TNRC6C: variants seen among roughly 807,000 people sequenced by gnomAD.
The protein encoded by TNRC6C is trinucleotide repeat-containing gene 6C protein.
A neutral mutation model predicts 153.7 loss-of-function variants in TNRC6C; 20 were observed. The observed-to-expected ratio is 0.13, with a 90% CI of 0.09 to 0.19. TNRC6C has a LOEUF of 0.19. Ranked by LOEUF, TNRC6C falls within the 10% of genes least tolerant of loss-of-function variation. The pLI is 1.00. For synonymous variants in TNRC6C, 811 were observed against 841.4 expected (o/e 0.96, Z 0.63); for missense variants, 1,987 against 2,172.0 (o/e 0.91, Z 1.69).
At chr17:78,001,863 A>C (rs117444461), upstream of TNRC6C, among the ~76,000 whole-genome samples, 1,139 of 152,194 alleles carry the variant, frequency 7.5e-3, 3 homozygotes, top group Non-Finnish European at 0.012. Flanking sequence ...CAGGAAAGCA[A>C]ATATTGTCCT....
At chr17:78,024,543 T>G (rs1427070856) in intron 1 of TNRC6C, among the ~76,000 whole-genome samples, 1 of 151,838 alleles carries the variant, frequency 6.6e-6, no homozygotes. Context: ...ATTTTTTGTA[T>G]TTTAGTAGAG....
chr17:78,093,027 A>G, exon 15 of TNRC6C: 1 of 1,612,626 alleles, frequency 6.2e-7, no homozygotes, highest in Non-Finnish European at 8.5e-7. Context: ...ACAGTGAGTC[A>G]CCAGCCAGTC....
intron 1 of TNRC6C, among the ~76,000 whole-genome samples, chr17:77,966,622 T>C (rs1278295549): frequency 6.6e-6 from 1 of 152,220 alleles, no homozygotes; most frequent in East Asian, 1.9e-4. Context: ...TGGGGAAAGA[T>C]GACACACAAG....
intron 10 of TNRC6C, among the ~76,000 whole-genome samples, 183 bp from the exon 13 acceptor site, chr17:78,082,864 T>C (rs2073207817): frequency 6.6e-6 from 1 of 152,254 alleles, no homozygotes; most frequent in African/African-American, 2.4e-5. Flanking sequence ...CTTTACACAG[T>C]CCTGCATGCA....
At chr17:78,025,589 A>G (rs1290588988) in intron 1 of TNRC6C, among the ~76,000 whole-genome samples, 2 of 152,138 alleles carry the variant, frequency 1.3e-5, no homozygotes, top group African/African-American at 4.8e-5. Context: ...TTTTCAACTC[A>G]TTTGGGTAAA....
At position 78,064,948 on chromosome 17, in the gene TNRC6C, C is replaced by T; in HGVS notation, c.2611+11C>T. The T allele has an allele frequency of 6.3e-7, 1 of 1,598,596 alleles. No individual in the cohort carries two copies. Among genetic ancestry groups the T allele is most frequent in the Non-Finnish European group, 8.5e-7 (1 of 1,172,944 alleles). ...CCCTGTGCAAACCAGGTAAGCCTAG[C>T]ATCCTGCTTGCCCTGATCTGGCAAT... is the stretch of plus-strand genomic sequence containing the variant. On this transcript the variant is annotated intron_variant, in intron 4 of 19. Transcript: ENST00000301624.
exon 13 of TNRC6C, chr17:78,086,983 G>T: frequency 6.2e-7 from 1 of 1,613,742 alleles, no homozygotes. Context: ...CCCTCTGCAG[G>T]CAAATCGGCC....
upstream of TNRC6C, among the ~76,000 whole-genome samples, chr17:78,000,828 G>A (rs2071402559): frequency 6.6e-6 from 1 of 152,044 alleles, no homozygotes; most frequent in African/African-American, 2.4e-5. Flanking sequence ...TACAAATATA[G>A]GAAGTAGTCA....
chr17:77,965,267 AG>A (rs2144036894), intron 1 of TNRC6C, among the ~76,000 whole-genome samples: 1 of 152,338 alleles, frequency 6.6e-6, no homozygotes, highest in African/African-American at 2.4e-5. Flanking sequence ...TTATTTTAAT[AG>A]CTGCTTAATG....
exon 2 of TNRC6C, chr17:78,031,623 G>T: frequency 2.4e-6 from 3 of 1,232,442 alleles, no homozygotes; most frequent in Non-Finnish European, 3.0e-6. Context: ...ACGTGCATCT[G>T]CCAGTGGCCA....
At chr17:78,107,368 T>C (rs937654780) in exon 20 of TNRC6C, 1 of 152,214 alleles carries the variant, frequency 6.6e-6, no homozygotes, top group Non-Finnish European at 1.5e-5. Context: ...CCTCATAGAA[T>C]GTGACTGTTG....
At chr17:78,102,107 C>T (rs2073607016) in intron 17 of TNRC6C, among the ~76,000 whole-genome samples, 1 of 152,174 alleles carries the variant, frequency 6.6e-6, no homozygotes, top group African/African-American at 2.4e-5. Context: ...ACCAGAAGAA[C>T]CTGGGAGCAC....
At chr17:77,978,622 A>G (rs2071033670) in intron 1 of TNRC6C, among the ~76,000 whole-genome samples, 2 of 152,298 alleles carry the variant, frequency 1.3e-5, no homozygotes, top group Admixed American at 1.3e-4. Context: ...CTTCAGTGCT[A>G]GGACTGAAAA....
intron 16 of TNRC6C, among the ~76,000 whole-genome samples, chr17:78,095,473 G>T (rs2073468762): frequency 6.6e-6 from 1 of 152,220 alleles, no homozygotes; most frequent in Non-Finnish European, 1.5e-5. Context: ...GCCAACCGGG[G>T]TGACTTGTAG....
At chr17:77,994,048 C>G (rs2143093878) in intron 1 of TNRC6C, among the ~76,000 whole-genome samples, 1 of 152,186 alleles carries the variant, frequency 6.6e-6, no homozygotes, top group Admixed American at 6.5e-5. Flanking sequence ...CAAAAATTAG[C>G]CGGGCATTGT....
intron 1 of TNRC6C, among the ~76,000 whole-genome samples, chr17:77,970,648 A>G (rs1468459255): frequency 6.6e-6 from 1 of 151,988 alleles, no homozygotes; most frequent in African/African-American, 2.4e-5. Context: ...TTAAAATACT[A>G]TGAGATTTGT....
At chr17:78,005,763 G>T (rs2071485689) in intron 1 of TNRC6C, among the ~76,000 whole-genome samples, 2 of 151,988 alleles carry the variant, frequency 1.3e-5, no homozygotes, top group South Asian at 4.1e-4. Flanking sequence ...CACTTCTTTA[G>T]GCTTCAGTAT....
In TNRC6C at chr17:78,035,858, A is replaced by G. The variant is rs571283775; in HGVS notation, c.-219+4016A>G. Among the ~76,000 whole-genome samples the G allele has an allele frequency of 3.9e-5, 6 of 152,260 alleles. No individual in the cohort carries two copies. In the South Asian group the frequency reaches 1.2e-3, roughly 32 times the overall value. On this transcript the variant is annotated intron_variant, in intron 2 of 19. Coordinates refer to ENST00000301624, the Ensembl canonical transcript of TNRC6C. ...CTGGTCGCAGTGAAAGTATTTTTAG[A>G]TACAGTTTGAAATAAAAGCTCTTAT...
chr17:78,103,339 CG>C lies in TNRC6C; in HGVS notation c.4573-74del, dbSNP rs1598800181. ...AGTGTTTAGTGTATCCAATTTCATA[CG>C]TTTTTTCTTTGGAAGGCTGTAGTGA... On this transcript the variant is annotated intron_variant, in intron 18 of 19. Transcript: ENST00000301624. 7.7e-6 allele frequency: 12 copies of C among 1,551,350 alleles called. No individual in the cohort carries two copies. The East Asian group carries it at 2.7e-4, about 35-fold the overall frequency.
Sources: allele counts gnomAD v4.1 joint callset (sites outside exome capture counted in the v4.1 genomes callset), GRCh38; gene constraint gnomAD v4.1.1; transcripts MANE v1.5; gene names NCBI Gene and HGNC (gene_info 2026-07-23, HGNC 2026-07-21).